ARRB1: variants seen among roughly 807,000 people sequenced by gnomAD.
ARRB1 encodes the protein beta-arrestin-1.
ARRB1 carries 21 observed loss-of-function variants against 56.8 expected under a neutral mutation model. The ratio of observed to expected loss-of-function variants is 0.37; its 90% CI spans 0.26 to 0.53. The LOEUF (loss-of-function observed/expected upper bound fraction) is 0.53, where lower values mean the gene tolerates loss of function less well. ARRB1 is among the 20% of genes least tolerant of loss of function. ARRB1 has a pLI of 0.88. For missense variants in ARRB1, 424 were observed against 553.7 expected (o/e 0.77, Z 2.35); for synonymous variants, 210 against 218.6 (o/e 0.96, Z 0.35).
intron 1 of ARRB1, among the ~76,000 whole-genome samples, chr11:75,301,850 C>G (rs1426321081): frequency 2.0e-5 from 3 of 152,114 alleles, no homozygotes; most frequent in Non-Finnish European, 4.4e-5. Flanking sequence ...TTCTGTTTAC[C>G]CACCATCAGT....
At chr11:75,315,628 G>A (rs1480399637) in intron 1 of ARRB1, among the ~76,000 whole-genome samples, 2 of 152,066 alleles carry the variant, frequency 1.3e-5, no homozygotes, top group South Asian at 2.1e-4. Flanking sequence ...ACCTGACCAC[G>A]TACTCTCCTA....
intron 1 of ARRB1, among the ~76,000 whole-genome samples, chr11:75,301,568 C>T (rs1439824910): frequency 6.6e-6 from 1 of 152,192 alleles, no homozygotes; most frequent in Non-Finnish European, 1.5e-5. Flanking sequence ...TACGTTCCCC[C>T]ATCCCTGTCC....
At chr11:75,344,920 A>G (rs571187656) in intron 1 of ARRB1, among the ~76,000 whole-genome samples, 17 of 152,298 alleles carry the variant, frequency 1.1e-4, no homozygotes, top group Non-Finnish European at 1.8e-4. Flanking sequence ...CTCCTGCCTC[A>G]TCCAGGCCCA....
chr11:75,268,614 T>C (rs1945998255), intron 14 of ARRB1, among the ~76,000 whole-genome samples: 1 of 148,714 alleles, frequency 6.7e-6, no homozygotes, highest in African/African-American at 2.5e-5. Context: ...CCAAACGGGA[T>C]CCAGCCCATG....
intron 2 of ARRB1, among the ~76,000 whole-genome samples, chr11:75,287,669 C>G (rs949207907): frequency 2.0e-5 from 3 of 152,204 alleles, no homozygotes; most frequent in African/African-American, 7.2e-5. Context: ...AGCACCACTG[C>G]CAGTGGAGCA....
Position 75,314,221 on chromosome 11 carries a change from G to A in ARRB1, c.21-24182C>T, listed in dbSNP as rs1057304805. On this transcript the variant is annotated intron_variant, in intron 1 of 15. Coordinates refer to ENST00000420843, the MANE Select transcript of ARRB1 (RefSeq NM_004041.5). ...CCTGGCCACCTCTGCTCCCCATTGTGTGTAAGGAAGGGATAGGGCCAGGGG... is the reference window on the plus strand; with the variant it reads ...CCTGGCCACCTCTGCTCCCCATTGTATGTAAGGAAGGGATAGGGCCAGGGG... Among the ~76,000 whole-genome samples the A allele has an allele frequency of 9.2e-5, 14 of 152,368 alleles. 1 individual carries two copies. Among genetic ancestry groups the A allele is most frequent in the East Asian group, 7.7e-4 (4 of 5,176 alleles).
intron 1 of ARRB1, among the ~76,000 whole-genome samples, chr11:75,318,614 T>C (rs943362735): frequency 1.3e-5 from 2 of 151,846 alleles, no homozygotes; most frequent in African/African-American, 4.8e-5. Context: ...TGCTTGAACC[T>C]GGTAGGCGGA....
rs1946141004 is a variant in ARRB1 at position 75,274,205 on chromosome 11, A to G, written c.783T>C (p.Thr261=). 2 of 1,613,972 alleles carry G rather than the reference A, an allele frequency of 1.2e-6. No individual in the cohort carries two copies. Among genetic ancestry groups the G allele is most frequent in the African/African-American group, 2.7e-5 (2 of 74,932 alleles). Residue 261 remains threonine (T), a synonymous_variant, in exon 11 of 16, where the codon ACT becomes ACC. Transcript: ENST00000420843. ...TGCAGAACGTCGAGCTGGGTGCCACAGTGTCACTGGGAAGAAAGGAAGCAG... is the reference window on the plus strand; with the variant it reads ...TGCAGAACGTCGAGCTGGGTGCCACGGTGTCACTGGGAAGAAAGGAAGCAG... ...CPVAMEEADD[T]VAPSSTFCKV...
rs764232964 is a variant in ARRB1, at chr11:75,278,660, C to A, written c.567G>T (p.Gln189His). The A allele has an allele frequency of 6.2e-7, 1 of 1,614,208 alleles. No homozygotes were observed. The highest frequency in any genetic ancestry group is 1.1e-5 in the South Asian group (1 of 91,082). ...GCAAGGGCTTGTCCGACATGAGGAACTGCCTGGTGGTCTCGGCTGTGGGCT... is the reference window on the plus strand; with the variant it reads ...GCAAGGGCTTGTCCGACATGAGGAAATGCCTGGTGGTCTCGGCTGTGGGCT... ...GPQPTAETTR[Q>H]FLMSDKPLHL... Residue 189 changes from glutamine to histidine, a missense_variant, in exon 8 of 16, where the codon CAG (glutamine) becomes CAT (histidine). Gln to His is a conservative substitution (Grantham distance 24). This residue lies in a region of ARRB1 where 301 missense variants were observed against 387.9 expected (regional missense o/e 0.78). Transcript: ENST00000420843.
At chr11:75,295,642 T>C (rs1439780452) in intron 1 of ARRB1, among the ~76,000 whole-genome samples, 1 of 152,208 alleles carries the variant, frequency 6.6e-6, no homozygotes, top group Non-Finnish European at 1.5e-5. Flanking sequence ...ATGTGACATA[T>C]CCTATTCACA....
At position 75,262,998 on chromosome 11, in the gene ARRB1, GT is replaced by G. The variant is rs1945831938; in HGVS notation, c.*3164del. On this transcript the variant is annotated 3_prime_UTR_variant, in exon 16 of 16. Coordinates refer to ENST00000420843, the MANE Select transcript of ARRB1 (RefSeq NM_004041.5). ...GTCCCGCTGGCTCTCTGCTCGGTGG[GT>G]TTTCACCGGGGCATGCTTTTCCTTC... is the stretch of plus-strand genomic sequence containing the variant. 6.6e-6 allele frequency among the ~76,000 whole-genome samples: 1 copy of G among 152,206 alleles called. No individual in the cohort carries two copies. Among genetic ancestry groups the G allele is most frequent in the South Asian group, 2.1e-4 (1 of 4,832 alleles).
chr11:75,274,224 G>T lies in ARRB1; in HGVS notation c.777-13C>A. The T allele has an allele frequency of 1.2e-6, 2 of 1,613,724 alleles. No homozygotes were observed. The highest frequency in any genetic ancestry group is 1.7e-6 in the Non-Finnish European group (2 of 1,179,670). On this transcript the variant is annotated splice_polypyrimidine_tract_variant and intron_variant, in intron 10 of 15. Transcript: ENST00000420843. ...TGCCACAGTGTCACTGGGAAGAAAG[G>T]AAGCAGCTGTGGAGATGGCCCTCCC... is the stretch of plus-strand genomic sequence containing the variant.
At chr11:75,327,225 C>A (rs1045289065) in intron 1 of ARRB1, among the ~76,000 whole-genome samples, 14 of 146,348 alleles carry the variant, frequency 9.6e-5, no homozygotes, top group African/African-American at 3.3e-4. Context: ...TGGCGTGAAC[C>A]CAAAAGGCGG....
intron 1 of ARRB1, among the ~76,000 whole-genome samples, chr11:75,351,195 C>A (rs1033391833): frequency 6.6e-6 from 1 of 152,190 alleles, no homozygotes; most frequent in African/African-American, 2.4e-5. Context: ...GCGTGTATGA[C>A]GGCGTGCCAC....
At chr11:75,275,634 A>G (rs971553264) in intron 10 of ARRB1, among the ~76,000 whole-genome samples, 1 of 152,114 alleles carries the variant, frequency 6.6e-6, no homozygotes, top group Non-Finnish European at 1.5e-5. Flanking sequence ...ATCCTTTCCA[A>G]TGAGAGAGCT....
At chr11:75,318,925 C>T (rs1947304578) in intron 1 of ARRB1, among the ~76,000 whole-genome samples, 2 of 152,090 alleles carry the variant, frequency 1.3e-5, no homozygotes, top group Admixed American at 6.6e-5. Context: ...GAGAGGAGCA[C>T]ATGGGAGTAG....
chr11:75,315,705 T>G (rs1345499460), intron 1 of ARRB1, among the ~76,000 whole-genome samples: 1 of 152,148 alleles, frequency 6.6e-6, no homozygotes, highest in African/African-American at 2.4e-5. Flanking sequence ...CGCCTTCCAC[T>G]ATAAGCCAGT....
intron 1 of ARRB1, 98 bp from the exon 2 acceptor site, chr11:75,290,137 G>A (rs1946573092): frequency 1.4e-6 from 2 of 1,464,642 alleles, no homozygotes; most frequent in Non-Finnish European, 1.9e-6. Flanking sequence ...ACCAGGGCTG[G>A]AGTGACTGAC....
At chr11:75,345,681 G>A (rs1947756645) in intron 1 of ARRB1, among the ~76,000 whole-genome samples, 1 of 152,184 alleles carries the variant, frequency 6.6e-6, no homozygotes, top group African/African-American at 2.4e-5. Context: ...ATGCTAATAG[G>A]AGTGGTATAA....
Sources: gnomAD v4.1 joint callset for allele counts (sites outside exome capture counted in the v4.1 genomes callset) on GRCh38, gnomAD v4.1.1 for gene constraint, gnomAD v4.1.1 regional missense constraint, MANE v1.5 for transcripts, NCBI Gene and HGNC (gene_info 2026-07-23, HGNC 2026-07-21) for gene names.